The following EIF2B3 variants were observed in gnomAD, a reference collection of about 807,000 sequenced individuals.
EIF2B3 encodes eukaryotic translation initiation factor 2B subunit gamma, also known as translation initiation factor eIF2B subunit gamma.
Under a neutral mutation model 54.1 loss-of-function variants are expected in EIF2B3, and 20 were observed. That is an observed-to-expected ratio of 0.37 (90% CI 0.26 to 0.54). The LOEUF (loss-of-function observed/expected upper bound fraction) is 0.54. Ranked by LOEUF, EIF2B3 falls within the 20% of genes least tolerant of loss-of-function variation. EIF2B3 has a pLI of 0.86. For synonymous variants in EIF2B3, 153 were observed against 188.1 expected (o/e 0.81, Z 1.52); for missense variants, 448 against 547.8 (o/e 0.82, Z 1.82).
At chr1:44,946,023 T>C (rs1292047485) in intron 3 of EIF2B3, among the ~76,000 whole-genome samples, 1 of 152,232 alleles carries the variant, frequency 6.6e-6, no homozygotes, top group Non-Finnish European at 1.5e-5. Context: ...TGTTTAAATC[T>C]GTCAGTACAG....
intron 5 of EIF2B3, among the ~76,000 whole-genome samples, chr1:44,917,675 C>T (rs568857386): frequency 1.3e-5 from 2 of 150,630 alleles, no homozygotes; most frequent in South Asian, 4.2e-4. Flanking sequence ...CTTTCCTGCC[C>T]ATTTTCTGTT....
intron 1 of EIF2B3, among the ~76,000 whole-genome samples, chr1:44,983,719 T>G (rs551279334): frequency 6.8e-6 from 1 of 147,764 alleles, no homozygotes; most frequent in African/African-American, 2.5e-5. Flanking sequence ...TAAAAAAAAA[T>G]TTTTTTTTTT....
At chr1:44,896,374 G>T (rs174637) in intron 6 of EIF2B3, among the ~76,000 whole-genome samples, 2 of 130,088 alleles carry the variant, frequency 1.5e-5, no homozygotes, top group Non-Finnish European at 2.9e-5. Context: ...CAAGTGTTGT[G>T]GGGGGGTGAC....
chr1:44,895,526 C>A (rs72674102), intron 6 of EIF2B3, among the ~76,000 whole-genome samples: 11,570 of 150,670 alleles, frequency 0.077, 480 homozygotes, highest in East Asian at 0.12. Context: ...CTCTCTCTCT[C>A]TCTATATATA....
At chr1:44,910,222 G>A (rs181562186) in intron 5 of EIF2B3, among the ~76,000 whole-genome samples, 47 of 152,248 alleles carry the variant, frequency 3.1e-4, no homozygotes, top group Non-Finnish European at 4.9e-4. Context: ...TTTAGAGCTG[G>A]AGGGGGGTTT....
intron 3 of EIF2B3, among the ~76,000 whole-genome samples, chr1:44,946,455 T>TTTTTTTTTTTTTTA (rs1644103173): frequency 6.6e-6 from 1 of 151,676 alleles, no homozygotes; most frequent in African/African-American, 2.4e-5. Context: ...TTTTTTTTTT[T>TTTTTTTTTTTTTTA]GAGACAGGGT....
At position 44,857,600 on chromosome 1, in the gene EIF2B3, G is replaced by A. The variant is rs1021671227; in HGVS notation, c.1306+104C>T. 13 of 1,030,036 alleles carry A rather than the reference G, an allele frequency of 1.3e-5. No individual in the cohort carries two copies. In the East Asian group the frequency reaches 1.4e-4, roughly 11 times the overall value. 63.8% of individuals were successfully genotyped at this position (1,030,036 alleles called of 1,614,324 possible). ...GCTTTATCAATTTATGTTCTCGCCCGCAGTGTACGTATGTGCTTGTTTCCC... is the reference window on the plus strand; with the variant it reads ...GCTTTATCAATTTATGTTCTCGCCCACAGTGTACGTATGTGCTTGTTTCCC... On this transcript the variant is annotated intron_variant, in intron 11 of 11. Coordinates refer to ENST00000360403, the MANE Select transcript of EIF2B3 (RefSeq NM_020365.5).
rs748865473 is a variant in EIF2B3 at position 44,978,516 on chromosome 1, G to A, written c.149-56C>T. ...ACAAAAACTTACTCATATAGACAGT[G>A]GTTCCATTATTTCAATTAGATTTGG... On this transcript the variant is annotated intron_variant, in intron 2 of 11. Coordinates refer to ENST00000360403, the MANE Select transcript of EIF2B3 (RefSeq NM_020365.5). 6.8e-5 allele frequency: 106 copies of A among 1,566,066 alleles called. 1 individual carries two copies. Among genetic ancestry groups the A allele is most frequent in the South Asian group, 2.0e-4 (18 of 88,758 alleles).
At chr1:44,892,475 G>A (rs1040979613) in intron 6 of EIF2B3, among the ~76,000 whole-genome samples, 4 of 151,944 alleles carry the variant, frequency 2.6e-5, no homozygotes, top group African/African-American at 9.7e-5. Context: ...AGTTACTCGG[G>A]AGGCTGAGGA....
chr1:44,984,692 T>C (rs1644550864), intron 1 of EIF2B3, among the ~76,000 whole-genome samples: 1 of 151,930 alleles, frequency 6.6e-6, no homozygotes, highest in Non-Finnish European at 1.5e-5. Context: ...TTTCTATGCC[T>C]CAATTTTTGC....
chr1:44,916,398 T>A (rs1337164011), intron 5 of EIF2B3, among the ~76,000 whole-genome samples: 1 of 151,490 alleles, frequency 6.6e-6, no homozygotes, highest in Non-Finnish European at 1.5e-5. Flanking sequence ...TTTTTTTTTA[T>A]TTTTATTTTT....
chr1:44,971,233 A>T (rs1415073748), intron 3 of EIF2B3, among the ~76,000 whole-genome samples: 10 of 152,080 alleles, frequency 6.6e-5, no homozygotes. Context: ...ATACAAAAAA[A>T]TTAGTCGGGC....
At chr1:44,872,736 G>C (rs1573694536) in intron 10 of EIF2B3, among the ~76,000 whole-genome samples, 1 of 151,980 alleles carries the variant, frequency 6.6e-6, no homozygotes, top group East Asian at 1.9e-4. Context: ...TCAGCTCAAG[G>C]GTCATTTCCT....
intron 8 of EIF2B3, among the ~76,000 whole-genome samples, chr1:44,876,654 G>T (rs1443838787): frequency 1.8e-5 from 2 of 111,742 alleles, no homozygotes; most frequent in African/African-American, 7.8e-5. Context: ...ACTGGGAAGT[G>T]AGGAGCCCCT....
chr1:44,964,643 A>G (rs1405776023), intron 3 of EIF2B3, among the ~76,000 whole-genome samples: 1 of 152,184 alleles, frequency 6.6e-6, no homozygotes, highest in Non-Finnish European at 1.5e-5. Flanking sequence ...CTCTACATCA[A>G]AGGACTTAAG....
At chr1:44,963,278 C>CTTTTT (rs373810618) in intron 3 of EIF2B3, among the ~76,000 whole-genome samples, 1 of 143,478 alleles carries the variant, frequency 7.0e-6, no homozygotes, top group Non-Finnish European at 1.5e-5. Context: ...GGGGGGAAAT[C>CTTTTT]TTTTTTTTTT....
At chr1:44,932,981 T>C (rs1643910760) in intron 4 of EIF2B3, among the ~76,000 whole-genome samples, 1 of 152,008 alleles carries the variant, frequency 6.6e-6, no homozygotes, top group Non-Finnish European at 1.5e-5. Flanking sequence ...GTTCAAGATA[T>C]GACAGTGAAG....
chr1:44,921,422 GT>G (rs1255218724), intron 5 of EIF2B3, among the ~76,000 whole-genome samples: 1 of 152,146 alleles, frequency 6.6e-6, no homozygotes, highest in East Asian at 1.9e-4. Context: ...TTTTGCTTTG[GT>G]TGCCTGTGCT....
intron 4 of EIF2B3, 113 bp from the exon 5 acceptor site, chr1:44,926,852 A>G: frequency 1.0e-6 from 1 of 980,982 alleles, no homozygotes; most frequent in South Asian, 1.3e-5. Context: ...ACAGGATTGA[A>G]GGGTGGGTGC....
Sources: gnomAD v4.1 joint callset for allele counts (sites outside exome capture counted in the v4.1 genomes callset) on GRCh38, gnomAD v4.1.1 for gene constraint, MANE v1.5 for transcripts, NCBI Gene and HGNC (gene_info 2026-07-23, HGNC 2026-07-21) for gene names.